The following USP3 variants were observed in gnomAD, a reference collection of about 807,000 sequenced individuals.
The protein encoded by USP3 is ubiquitin specific peptidase 3.
USP3 carries 20 observed loss-of-function variants against 72.3 expected under a neutral mutation model. The observed-to-expected ratio is 0.28, with a 90% CI of 0.19 to 0.40. USP3 has a LOEUF of 0.40. Among genes scored for constraint, USP3 ranks in the 10% least tolerant of loss-of-function variants. The pLI is 1.00. For synonymous variants in USP3, 222 were observed against 225.3 expected, an observed-to-expected ratio of 0.99 and a Z score of 0.13; for missense variants, 479 against 633.9, an observed-to-expected ratio of 0.76 and a Z score of 2.62.
intron 8 of USP3, among the ~76,000 whole-genome samples, chr15:63,568,352 TAAAAAA>T (rs545943861): frequency 2.3e-5 from 3 of 131,470 alleles, no homozygotes; most frequent in Admixed American, 7.7e-5. Flanking sequence ...AGACTCCATC[TAAAAAA>T]AAAAAAAAAA....
At position 63,589,003 on chromosome 15, in the gene USP3, T is replaced by C. The variant is rs775541863; in HGVS notation, c.1389T>C (p.His463=). 6 of 1,613,256 alleles carry C rather than the reference T, an allele frequency of 3.7e-6. No homozygotes were observed. The African/African-American group carries it at 6.7e-5, about 18-fold the overall frequency. The change falls in exon 14 of 15, where the codon CAT becomes CAC. Residue 463 remains histidine (H), a synonymous_variant. Transcript: ENST00000380324. The part of the protein sequence containing the change: ...LYDLAAVVVH[H]GSGVGSGHYT... ...ACCTCGCCGCTGTGGTGGTGCACCA[T>C]GGTTCCGGGTGAGTACAACAGCCAG...
At chr15:63,513,226 T>C (rs2065812923) in intron 1 of USP3, among the ~76,000 whole-genome samples, 1 of 152,224 alleles carries the variant, frequency 6.6e-6, no homozygotes, top group African/African-American at 2.4e-5. Flanking sequence ...TTATGGACTG[T>C]TCTTGTACTG....
chr15:63,546,590 CTTTAT>C lies in USP3; in HGVS notation c.285-7106_285-7102del, dbSNP rs562261578. Reference sequence around the variant, plus strand: ...AGAACTTTTAAATCCATCTGTTTGCCTTTATTTTATTTTATTTTATTTTTTGTGAG... The same window carrying C: ...AGAACTTTTAAATCCATCTGTTTGCCTTTATTTTATTTTATTTTTTGTGAG... On this transcript the variant is annotated intron_variant, in intron 3 of 14. Transcript: ENST00000380324. 3.9e-3 allele frequency among the ~76,000 whole-genome samples: 595 copies of C among 152,070 alleles called. 5 individuals carry two copies. The highest frequency in any genetic ancestry group is 0.013 in the African/African-American group (537 of 41,486).
intron 6 of USP3, 71 bp downstream of exon 6, chr15:63,558,259 G>A (rs527977733): frequency 8.7e-5 from 132 of 1,510,138 alleles, no homozygotes; most frequent in Non-Finnish European, 1.2e-4. Context: ...TCCCTATCTC[G>A]TCTGCCACTA....
chr15:63,526,465 A>G (rs1402959470), intron 1 of USP3, among the ~76,000 whole-genome samples: 1 of 152,234 alleles, frequency 6.6e-6, no homozygotes, highest in Non-Finnish European at 1.5e-5. Context: ...AGCACACAGT[A>G]TGTACTATAT....
chr15:63,568,340 C>T (rs1458330428), intron 8 of USP3, among the ~76,000 whole-genome samples: 10 of 139,074 alleles, frequency 7.2e-5, no homozygotes, highest in Admixed American at 1.5e-4. Context: ...GACGACAGAG[C>T]GAGACTCCAT....
Position 63,590,688 on chromosome 15 carries a change from C to T in USP3, c.1425C>T (p.Tyr475=), listed in dbSNP as rs746051369. The T allele has an allele frequency of 2.4e-5, 39 of 1,612,966 alleles. No homozygotes were observed. Among genetic ancestry groups the T allele is most frequent in the South Asian group, 1.5e-4 (14 of 90,880 alleles). ...SGVGSGHYTA[Y]ATHEGRWFHF... ...TTGGTTCTGGACATTACACAGCATA[C>T]GCAACTCACGAAGGCCGCTGGTTCC... The change falls in exon 15 of 15, where the codon TAC becomes TAT. Residue 475 remains tyrosine, a synonymous_variant. Coordinates refer to ENST00000380324, the MANE Select transcript of USP3 (RefSeq NM_006537.4).
chr15:63,517,843 G>C (rs2065872485), intron 1 of USP3, among the ~76,000 whole-genome samples: 1 of 152,188 alleles, frequency 6.6e-6, no homozygotes, highest in African/African-American at 2.4e-5. Context: ...TCAGGCCATA[G>C]CTTCCTCTGC....
chr15:63,583,991 A>C (rs1396671605), intron 11 of USP3, among the ~76,000 whole-genome samples: 2 of 151,800 alleles, frequency 1.3e-5, no homozygotes, highest in East Asian at 3.9e-4. Context: ...TAAGAGTGGA[A>C]TCGCTGAATC....
Position 63,589,544 on chromosome 15 carries a change from C to T in USP3, c.1397+533C>T, listed in dbSNP as rs149018944. ...TTCCCGCAGAGCTGTGATAAAGTAACGTCTACACTCACATAGTGTTATGAA... is the reference window on the plus strand; with the variant it reads ...TTCCCGCAGAGCTGTGATAAAGTAATGTCTACACTCACATAGTGTTATGAA... On this transcript the variant is annotated intron_variant, in intron 14 of 14. Coordinates refer to ENST00000380324, the MANE Select transcript of USP3 (RefSeq NM_006537.4). 2.4e-3 allele frequency among the ~76,000 whole-genome samples: 365 copies of T among 152,260 alleles called. 1 individual carries two copies. The highest frequency in any genetic ancestry group is 8.3e-3 in the African/African-American group (346 of 41,544).
chr15:63,526,141 GTTATTCCTT>G (rs2065978339), intron 1 of USP3, among the ~76,000 whole-genome samples: 1 of 152,130 alleles, frequency 6.6e-6, no homozygotes, highest in African/African-American at 2.4e-5. Context: ...CTATCCCCAT[GTTATTCCTT>G]TTACATAGCT....
At chr15:63,578,628 A>AAAG (rs1367005868) in intron 11 of USP3, among the ~76,000 whole-genome samples, 3 of 150,434 alleles carry the variant, frequency 2.0e-5, no homozygotes, top group African/African-American at 7.3e-5. Flanking sequence ...AAAAAAAAAA[A>AAAG]GAAGAAAAAA....
chr15:63,537,356 C>G (rs2152661790), intron 3 of USP3, among the ~76,000 whole-genome samples, 200 bp downstream of exon 3: 1 of 152,294 alleles, frequency 6.6e-6, no homozygotes, highest in Non-Finnish European at 1.5e-5. Flanking sequence ...CTTTCAACTT[C>G]TAGGCCTCCT....
intron 9 of USP3, among the ~76,000 whole-genome samples, chr15:63,572,381 G>GTT (rs1007454964): frequency 7.1e-6 from 1 of 141,654 alleles, no homozygotes. Flanking sequence ...GCAGGGTTTT[G>GTT]TTTTTTTTTT....
chr15:63,526,100 G>A (rs1293197418), intron 1 of USP3, among the ~76,000 whole-genome samples: 1 of 152,032 alleles, frequency 6.6e-6, no homozygotes, highest in Admixed American at 6.6e-5. Flanking sequence ...AAATAATGCT[G>A]TTTGAAAAAC....
intron 11 of USP3, chr15:63,587,689 A>G (rs1205620224): frequency 6.6e-6 from 1 of 152,266 alleles, no homozygotes; most frequent in East Asian, 1.9e-4. Flanking sequence ...CCAGACAATA[A>G]TGTAAACAAG....
At chr15:63,535,054 C>T (rs2066136073) in intron 2 of USP3, among the ~76,000 whole-genome samples, 1 of 152,090 alleles carries the variant, frequency 6.6e-6, no homozygotes, top group Non-Finnish European at 1.5e-5. Context: ...GCCTCAGCCT[C>T]CCAAGTAGTG....
chr15:63,574,285 C>G lies in USP3; in HGVS notation c.1016-38C>G. 2.6e-6 allele frequency: 4 copies of G among 1,539,616 alleles called. No homozygotes were observed. The highest frequency in any genetic ancestry group is 3.5e-6 in the Non-Finnish European group (4 of 1,143,968). On this transcript the variant is annotated intron_variant, in intron 10 of 14. Coordinates refer to ENST00000380324, the MANE Select transcript of USP3 (RefSeq NM_006537.4). This position sits in a 1 kb window ranked among gnomAD's most constrained non-coding sequence, Gnocchi z 4.6. ...AATTATTTTGAATGGACATATATGC[C>G]TTTAACAGCTCTCTGTTTACCTCTC...
chr15:63,541,538 AGG>A (rs1016404799), intron 3 of USP3, among the ~76,000 whole-genome samples: 6 of 152,172 alleles, frequency 3.9e-5, no homozygotes, highest in Non-Finnish European at 7.4e-5. Flanking sequence ...AAAACATAAA[AGG>A]CTCTTCCTTA....
Sources: allele counts gnomAD v4.1 joint callset (sites outside exome capture counted in the v4.1 genomes callset), GRCh38; gene constraint gnomAD v4.1.1; non-coding constraint Gnocchi (gnomAD v3.1); transcripts MANE v1.5; gene names NCBI Gene and HGNC (gene_info 2026-07-23, HGNC 2026-07-21).